Variants in TENM4 observed in about 807,000 individuals in gnomAD.
The protein encoded by TENM4 is teneurin-4.
A neutral mutation model predicts 243.3 loss-of-function variants in TENM4; 82 were observed. That is an observed-to-expected ratio of 0.34 (90% confidence interval 0.28 to 0.40). TENM4 has a LOEUF of 0.40. TENM4 is among the 10% of genes least tolerant of loss of function. The pLI is 1.00. For missense variants in TENM4, 3,138 were observed against 3,673.3 expected, an observed-to-expected ratio of 0.85 and a Z score of 3.77; for synonymous variants, 1,412 against 1,456.3, an observed-to-expected ratio of 0.97 and a Z score of 0.69.
chr11:78,802,223 G>A (rs116428097), intron 15 of TENM4, among the ~76,000 whole-genome samples: 1,846 of 152,326 alleles, frequency 0.012, 54 homozygotes, highest in African/African-American at 0.043. Context: ...CCCTTGGAAG[G>A]GAGGTGGTAG....
At chr11:78,745,128 AC>A (rs1481239514) in intron 19 of TENM4, among the ~76,000 whole-genome samples, 4 of 152,324 alleles carry the variant, frequency 2.6e-5, no homozygotes, top group East Asian at 1.9e-4. Context: ...AGACACGCAT[AC>A]AAACAATTAT....
chr11:78,875,239 T>G (rs1859239191), intron 9 of TENM4, among the ~76,000 whole-genome samples: 1 of 152,180 alleles, frequency 6.6e-6, no homozygotes, highest in Non-Finnish European at 1.5e-5. Flanking sequence ...TTCATTTTTT[T>G]TTCTTTTGAG....
Position 78,670,008 on chromosome 11 carries a change from C to T in TENM4, c.6337G>A (p.Val2113Met). The change falls in exon 32 of 34, where the codon GTG becomes ATG. Residue 2113 changes from valine (V) to methionine (M), a missense_variant. Around this residue, in one of 2 missense-constraint regions of TENM4, gnomAD observed 2,467 missense variants for 3,059.1 expected, o/e 0.81. Coordinates refer to ENST00000278550, the MANE Select transcript of TENM4 (RefSeq NM_001098816.3). The part of the protein sequence containing the change: ...LPIDLYRYDD[V>M]SGKTEQFGKF... ...CCAAACTGCTCTGTCTTGCCTGACA[C>T]ATCATCATAGCGATAGAGATCAATG... The T allele has an allele frequency of 6.2e-7, 1 of 1,613,948 alleles. No homozygotes were observed. Among genetic ancestry groups the T allele is most frequent in the Non-Finnish European group, 8.5e-7 (1 of 1,179,892 alleles).
intron 9 of TENM4, among the ~76,000 whole-genome samples, chr11:78,886,215 C>T (rs1048136481): frequency 2.0e-5 from 3 of 152,214 alleles, no homozygotes; most frequent in Non-Finnish European, 4.4e-5. Flanking sequence ...TGAAATTAAA[C>T]ACAATTTTTC....
At chr11:79,383,049 T>C (rs1858037692) in intron 1 of TENM4, among the ~76,000 whole-genome samples, 1 of 152,166 alleles carries the variant, frequency 6.6e-6, no homozygotes, top group Admixed American at 6.5e-5. Flanking sequence ...AACTGCACCC[T>C]GGCCCCGCCA....
intron 25 of TENM4, among the ~76,000 whole-genome samples, chr11:78,715,153 CCTGT>C (rs1859493675): frequency 1.3e-5 from 2 of 152,138 alleles, no homozygotes; most frequent in Admixed American, 1.3e-4. Context: ...GGACAGGTAT[CCTGT>C]CTATTTTGAA....
chr11:78,668,133 C>T (rs117498277), intron 32 of TENM4, among the ~76,000 whole-genome samples: 3,757 of 152,302 alleles, frequency 0.025, 95 homozygotes, highest in Admixed American at 0.056. Flanking sequence ...TTTCACTTCA[C>T]CCTTGCAACC....
At chr11:79,162,296 T>A (rs1472612804) in intron 3 of TENM4, among the ~76,000 whole-genome samples, 1 of 152,178 alleles carries the variant, frequency 6.6e-6, no homozygotes, top group Non-Finnish European at 1.5e-5. Flanking sequence ...AAACTTTCAG[T>A]GCCTTGGTTT....
chr11:79,254,757 C>A (rs1565270600), intron 2 of TENM4, among the ~76,000 whole-genome samples: 1 of 152,098 alleles, frequency 6.6e-6, no homozygotes, highest in African/African-American at 2.4e-5. Context: ...GGAGGAGAGT[C>A]ACATACACAA....
chr11:78,993,913 T>A (rs891430644), intron 6 of TENM4, among the ~76,000 whole-genome samples: 14 of 152,340 alleles, frequency 9.2e-5, no homozygotes, highest in African/African-American at 3.4e-4. Context: ...ACATAATTTT[T>A]TATTGTATAC....
intron 6 of TENM4, among the ~76,000 whole-genome samples, chr11:79,051,573 A>G (rs1859793597): frequency 6.6e-6 from 1 of 152,244 alleles, no homozygotes; most frequent in African/African-American, 2.4e-5. Flanking sequence ...TGGGTTAGCT[A>G]TCAGCTTTTT....
chr11:79,242,532 G>A (rs573409972), intron 2 of TENM4, among the ~76,000 whole-genome samples: 2 of 152,246 alleles, frequency 1.3e-5, no homozygotes, highest in African/African-American at 2.4e-5. Flanking sequence ...AGATCACACC[G>A]TGTGTGATTT....
chr11:79,439,662 T>C (rs1859355966), intron 1 of TENM4, among the ~76,000 whole-genome samples: 3 of 77,300 alleles, frequency 3.9e-5, no homozygotes, highest in Admixed American at 1.3e-4. Flanking sequence ...CGTGTGTGTG[T>C]CCACACACAC....
At chr11:79,419,404 T>A (rs1858884388) in intron 1 of TENM4, among the ~76,000 whole-genome samples, 1 of 152,164 alleles carries the variant, frequency 6.6e-6, no homozygotes, top group Non-Finnish European at 1.5e-5. Context: ...ATGTTCCCAA[T>A]GGCACCCTTA....
chr11:78,658,002 G>C lies in TENM4; in HGVS notation c.*56C>G, dbSNP rs975244948. 3.7e-6 allele frequency: 6 copies of C among 1,606,820 alleles called. No individual in the cohort carries two copies. Among genetic ancestry groups the C allele is most frequent in the Middle Eastern group, 1.7e-4 (1 of 6,056 alleles). ...TTTTTTTAAAAGTACAACACAGTCA[G>C]GTATGCGGCCACAAAAGAGTAGCTG... On this transcript the variant is annotated 3_prime_UTR_variant, in exon 34 of 34. Coordinates refer to ENST00000278550, the MANE Select transcript of TENM4 (RefSeq NM_001098816.3).
chr11:78,657,877 G>A lies in TENM4; in HGVS notation c.*181C>T. Reference sequence around the variant, plus strand: ...ACCTTCTGTTCTTTGCAAAAAATGTGCGAAGGCCAAATCTGTGTTTTTCTT... The same window carrying A: ...ACCTTCTGTTCTTTGCAAAAAATGTACGAAGGCCAAATCTGTGTTTTTCTT... On this transcript the variant is annotated 3_prime_UTR_variant, in exon 34 of 34. Coordinates refer to ENST00000278550, the MANE Select transcript of TENM4 (RefSeq NM_001098816.3). The A allele has an allele frequency of 1.1e-6, 1 of 933,014 alleles. No individual in the cohort carries two copies. The allele number at this position is 933,014 out of a possible 1,614,324, so 57.8% of individuals were successfully genotyped here. A position where few individuals can be genotyped will look rare whatever the true frequency, so the allele number is the denominator to read the frequency against.
chr11:79,385,130 C>T (rs1858086033), intron 1 of TENM4, among the ~76,000 whole-genome samples: 1 of 152,028 alleles, frequency 6.6e-6, no homozygotes, highest in African/African-American at 2.4e-5. Flanking sequence ...TGAATTAACT[C>T]TCTCTAGGCC....
At chr11:79,375,902 T>A (rs1164155797) in intron 1 of TENM4, among the ~76,000 whole-genome samples, 1 of 152,094 alleles carries the variant, frequency 6.6e-6, no homozygotes, top group Non-Finnish European at 1.5e-5. Context: ...CATTGTGGGA[T>A]CACCACAGTG....
chr11:78,796,802 CTT>C (rs572065904), intron 15 of TENM4, among the ~76,000 whole-genome samples: 21 of 152,346 alleles, frequency 1.4e-4, no homozygotes, highest in African/African-American at 4.6e-4. Context: ...GATCTCCCAT[CTT>C]TGTATATGTT....
Sources: allele counts gnomAD v4.1 joint callset (sites outside exome capture counted in the v4.1 genomes callset), GRCh38; gene constraint gnomAD v4.1.1; regional missense constraint gnomAD v4.1.1; transcripts MANE v1.5; gene names NCBI Gene and HGNC (gene_info 2026-07-23, HGNC 2026-07-21).